Variants in MARCHF10 observed in about 807,000 individuals in gnomAD.
MARCHF10 encodes the protein probable E3 ubiquitin-protein ligase MARCHF10.
MARCHF10 carries 64 observed loss-of-function variants against 76.2 expected under a neutral mutation model. The ratio of observed to expected loss-of-function variants is 0.84; its 90% CI spans 0.69 to 1.03. The LOEUF (loss-of-function observed/expected upper bound fraction) is 1.03, where lower values mean the gene tolerates loss of function less well. Ranked by LOEUF, MARCHF10 falls within the 50% of genes least tolerant of loss-of-function variation. The pLI, the probability that MARCHF10 is intolerant of heterozygous loss-of-function variation, is 0.00. For synonymous variants in MARCHF10, 340 were observed against 357.5 expected, an observed-to-expected ratio of 0.95 and a Z score of 0.55; for missense variants, 875 against 958.0, an observed-to-expected ratio of 0.91 and a Z score of 1.14.
chr17:62,725,212 A>C, intron 6 of MARCHF10, 108 bp from the exon 7 acceptor site: 1 of 964,814 alleles, frequency 1.0e-6, no homozygotes, highest in South Asian at 1.9e-5. Flanking sequence ...CCTGGTACTC[A>C]CCCGCTGCCC....
intron 1 of MARCHF10, chr17:62,806,633 C>T (rs546987534): frequency 8.5e-5 from 13 of 152,282 alleles, no homozygotes; most frequent in African/African-American, 1.4e-4. Flanking sequence ...AAAGCAAGAG[C>T]GAGTAATTCT....
intron 2 of MARCHF10, among the ~76,000 whole-genome samples, chr17:62,793,394 C>T (rs1375397456): frequency 2.0e-5 from 3 of 147,562 alleles, no homozygotes; most frequent in Non-Finnish European, 4.5e-5. Flanking sequence ...ATTACCACCA[C>T]GACCTCCATC....
intron 7 of MARCHF10, 139 bp from the exon 8 acceptor site, chr17:62,722,736 A>G: frequency 1.6e-6 from 1 of 634,786 alleles, no homozygotes; most frequent in South Asian, 2.7e-5. Flanking sequence ...AAAGCCAGCC[A>G]TCTTCTGTAG....
At chr17:62,765,382 C>T (rs570294282) in intron 3 of MARCHF10, among the ~76,000 whole-genome samples, 37 of 141,528 alleles carry the variant, frequency 2.6e-4, no homozygotes, top group African/African-American at 9.4e-4. Flanking sequence ...AAAAAAGATG[C>T]CTTTTGGAGT....
chr17:62,709,113 T>C (rs1360995245), intron 9 of MARCHF10, among the ~76,000 whole-genome samples: 1 of 152,202 alleles, frequency 6.6e-6, no homozygotes, highest in Non-Finnish European at 1.5e-5. Flanking sequence ...TAGTAGCTTC[T>C]TTCCCTGATC....
intron 3 of MARCHF10, among the ~76,000 whole-genome samples, chr17:62,765,351 CAAAAAAAAAAAAAAAA>C (rs57082084): frequency 2.7e-5 from 2 of 73,618 alleles, no homozygotes; most frequent in Admixed American, 3.4e-4. Context: ...GACTCTGTCT[CAAAAAAAAAAAAAAAA>C]AAAAAAAAAA....
intron 3 of MARCHF10, among the ~76,000 whole-genome samples, chr17:62,766,942 G>A (rs1009882741): frequency 5.3e-5 from 8 of 152,188 alleles, no homozygotes; most frequent in African/African-American, 1.7e-4. Flanking sequence ...AAACCCCTGG[G>A]AAAAGGTGAA....
At chr17:62,721,092 C>T (rs1231462726) in intron 8 of MARCHF10, among the ~76,000 whole-genome samples, 1 of 152,082 alleles carries the variant, frequency 6.6e-6, no homozygotes. Flanking sequence ...TGGTCTCAAA[C>T]TCCTGACTTC....
chr17:62,766,289 T>C (rs567062165), intron 3 of MARCHF10, among the ~76,000 whole-genome samples: 4 of 151,992 alleles, frequency 2.6e-5, no homozygotes, highest in Non-Finnish European at 5.9e-5. Context: ...TCACCTGAGG[T>C]TGGGAGTTCA....
chr17:62,729,273 T>C (rs1474380812), intron 6 of MARCHF10, among the ~76,000 whole-genome samples: 1 of 151,918 alleles, frequency 6.6e-6, no homozygotes, highest in South Asian at 2.1e-4. Flanking sequence ...ATTTTATATA[T>C]GTATGCCAAC....
Position 62,711,197 on chromosome 17 carries a change from C to T in MARCHF10, c.2328+34G>A. ...CAGCACTGCAGGGTTTTCAGGGCTG[C>T]CACCGGACAGCTCTGGGTCACAGCC... On this transcript the variant is annotated intron_variant, in intron 9 of 10. Coordinates refer to ENST00000311269, the MANE Select transcript of MARCHF10 (RefSeq NM_152598.4). This position sits in a 1 kb window ranked among gnomAD's most constrained non-coding sequence, Gnocchi z 4.4. 2 of 1,579,770 alleles carry T rather than the reference C, an allele frequency of 1.3e-6. No homozygotes were observed. Among genetic ancestry groups the T allele is most frequent in the Non-Finnish European group, 1.7e-6 (2 of 1,149,354 alleles).
At chr17:62,744,341 C>G (rs369882843) in intron 5 of MARCHF10, 35 bp downstream of exon 5, 17 of 1,593,364 alleles carry the variant, frequency 1.1e-5, no homozygotes, top group African/African-American at 1.4e-5. Flanking sequence ...GTCCTCCTCT[C>G]CAAGGACAAA....
chr17:62,796,333 T>C (rs923450424), intron 2 of MARCHF10, among the ~76,000 whole-genome samples: 3 of 152,204 alleles, frequency 2.0e-5, no homozygotes, highest in African/African-American at 4.8e-5. Flanking sequence ...TTTAAATTCT[T>C]TCTGGAACCA....
rs2092356574 is a variant in MARCHF10, at chr17:62,767,372, A to C, written c.211-7366T>G. On this transcript the variant is annotated intron_variant, in intron 3 of 10. Transcript: ENST00000311269. ...TGCATGCTCAGAATGGAAAAACAAA[A>C]ACAAGCATAAAGATATTTAAAACAT... is the stretch of plus-strand genomic sequence containing the variant. 2.0e-5 allele frequency among the ~76,000 whole-genome samples: 3 copies of C among 152,184 alleles called. No individual in the cohort carries two copies. The South Asian group carries it at 6.2e-4, about 31-fold the overall frequency.
chr17:62,744,284 A>G (rs567173604), intron 5 of MARCHF10, 92 bp downstream of exon 5: 1 of 1,353,692 alleles, frequency 7.4e-7, no homozygotes, highest in Non-Finnish European at 1.0e-6. Context: ...TTAAAAGTAC[A>G]AGTATCTAAA....
At chr17:62,708,784 C>T (rs2089747125) in intron 9 of MARCHF10, among the ~76,000 whole-genome samples, 1 of 152,198 alleles carries the variant, frequency 6.6e-6, no homozygotes. Context: ...GGGACATGGT[C>T]AGCAGTCAGA....
At chr17:62,731,118 A>AGAATGTG (rs1303522303) in intron 6 of MARCHF10, among the ~76,000 whole-genome samples, 1 of 152,210 alleles carries the variant, frequency 6.6e-6, no homozygotes, top group African/African-American at 2.4e-5. Context: ...GCATGGCACC[A>AGAATGTG]AATGTGAAAG....
chr17:62,737,090 T>G lies in MARCHF10; in HGVS notation c.778A>C (p.Thr260Pro). Residue 260 changes from threonine to proline, a missense_variant, in exon 6 of 11, where the codon ACT becomes CCT. By Grantham distance (38) the Thr-to-Pro change is conservative. Transcript: ENST00000311269. ...GATGCCTTTCTTGGCCCTCCTACAG[T>G]GGTGGGTGTGAGTGGTGGCCCCGAG... ...EFSGPPLTPT[T>P]VGGPRKASFR... The G allele has an allele frequency of 1.2e-6, 2 of 1,613,888 alleles. No individual in the cohort carries two copies. The highest frequency in any genetic ancestry group is 1.7e-6 in the Non-Finnish European group (2 of 1,179,982).
intron 2 of MARCHF10, among the ~76,000 whole-genome samples, chr17:62,790,096 T>A (rs191211140): frequency 6.6e-6 from 1 of 152,316 alleles, no homozygotes; most frequent in Non-Finnish European, 1.5e-5. Context: ...ATTTCTCCTG[T>A]AGTACTAGGA....
Sources: allele counts gnomAD v4.1 joint callset (sites outside exome capture counted in the v4.1 genomes callset), GRCh38; gene constraint gnomAD v4.1.1; non-coding constraint Gnocchi (gnomAD v3.1); transcripts MANE v1.5; gene names NCBI Gene and HGNC (gene_info 2026-07-23, HGNC 2026-07-21).